The following GPC6 variants were observed in gnomAD, a reference collection of about 807,000 sequenced individuals.
GPC6 encodes the protein glypican 6.
In GPC6, 14 loss-of-function variants were observed where a neutral mutation model predicts 55.2. That is an observed-to-expected ratio of 0.25 (90% CI 0.17 to 0.40). GPC6 has a LOEUF of 0.40. Ranked by LOEUF, GPC6 falls within the 10% of genes least tolerant of loss-of-function variation. The pLI is 1.00. For missense variants in GPC6, 641 were observed against 708.5 expected (o/e 0.90, Z 1.08); for synonymous variants, 278 against 259.6 (o/e 1.07, Z -0.68).
chr13:93,283,373 A>G (rs558350775), intron 1 of GPC6, among the ~76,000 whole-genome samples: 1 of 152,318 alleles, frequency 6.6e-6, no homozygotes, highest in South Asian at 2.1e-4. Context: ...GGATGGCCTC[A>G]ATTTTCTCAA....
chr13:93,964,058 T>C (rs1167457123), intron 3 of GPC6, among the ~76,000 whole-genome samples: 1 of 152,100 alleles, frequency 6.6e-6, no homozygotes, highest in Non-Finnish European at 1.5e-5. Flanking sequence ...CTCCCCCCAC[T>C]CATGTATTAC....
chr13:94,046,929 G>A (rs532862699), intron 4 of GPC6, among the ~76,000 whole-genome samples: 88 of 152,152 alleles, frequency 5.8e-4, no homozygotes, highest in Middle Eastern at 3.4e-3. Flanking sequence ...ACTATAGTTC[G>A]CCACTACTGC....
intron 4 of GPC6, among the ~76,000 whole-genome samples, chr13:94,192,971 A>G (rs552409969): frequency 1.3e-5 from 2 of 152,120 alleles, no homozygotes; most frequent in Non-Finnish European, 2.9e-5. Flanking sequence ...GAAACCAAAA[A>G]TGAAGCCTTA....
chr13:94,379,146 G>A (rs1880041415), intron 6 of GPC6, among the ~76,000 whole-genome samples: 1 of 152,158 alleles, frequency 6.6e-6, no homozygotes, highest in South Asian at 2.1e-4. Flanking sequence ...TAAATAAAAT[G>A]AGAAAAACAT....
At chr13:93,608,982 G>A (rs980158662) in intron 2 of GPC6, among the ~76,000 whole-genome samples, 4 of 152,160 alleles carry the variant, frequency 2.6e-5, no homozygotes, top group African/African-American at 4.8e-5. Flanking sequence ...CTATGTTTGA[G>A]TATCTATTGG....
chr13:93,676,822 A>C (rs1161964332), intron 2 of GPC6, among the ~76,000 whole-genome samples: 1 of 152,056 alleles, frequency 6.6e-6, no homozygotes, highest in African/African-American at 2.4e-5. Context: ...AGATAACAAA[A>C]TGAATAAAAG....
At chr13:93,352,184 T>A (rs971873443) in intron 1 of GPC6, among the ~76,000 whole-genome samples, 3 of 152,124 alleles carry the variant, frequency 2.0e-5, no homozygotes, top group Non-Finnish European at 4.4e-5. Context: ...CACGGTAAAT[T>A]TACGGAACAC....
chr13:94,275,073 CAGAA>C (rs1461184352), intron 4 of GPC6, among the ~76,000 whole-genome samples: 3 of 152,068 alleles, frequency 2.0e-5, no homozygotes, highest in Non-Finnish European at 4.4e-5. Context: ...GAAGAAAATA[CAGAA>C]AGATTTTTAA....
At chr13:93,486,059 C>T (rs1333412876) in intron 1 of GPC6, among the ~76,000 whole-genome samples, 2 of 152,022 alleles carry the variant, frequency 1.3e-5, no homozygotes, top group Admixed American at 1.3e-4. Flanking sequence ...ATAAGCCAAG[C>T]AAGAAAATTG....
chr13:93,334,016 CTGTCA>C (rs879421483), intron 1 of GPC6, among the ~76,000 whole-genome samples: 2 of 152,076 alleles, frequency 1.3e-5, no homozygotes, highest in Non-Finnish European at 2.9e-5. Context: ...AAATTCTTCC[CTGTCA>C]TAAGTTCACA....
chr13:93,273,134 G>A (rs535773621), intron 1 of GPC6, among the ~76,000 whole-genome samples: 26 of 152,208 alleles, frequency 1.7e-4, no homozygotes, highest in African/African-American at 6.3e-4. Context: ...TGTCTCCTGA[G>A]GACTAGGAAA....
At chr13:93,345,248 A>G (rs564119834) in intron 1 of GPC6, among the ~76,000 whole-genome samples, 3 of 152,182 alleles carry the variant, frequency 2.0e-5, no homozygotes, top group East Asian at 1.9e-4. Flanking sequence ...GGGGCTTATG[A>G]TGATCACCAC....
chr13:93,765,308 T>TTCCAGATAAGCTGTCTGGCAAAACA, intron 2 of GPC6, among the ~76,000 whole-genome samples: 1 of 148,686 alleles, frequency 6.7e-6, no homozygotes. Context: ...AAAGACAACT[T>TTCCAGATAAGCTGTCTGGCAAAACA]ATTTGGTTTA....
At chr13:93,762,889 T>C (rs896052632) in intron 2 of GPC6, among the ~76,000 whole-genome samples, 1 of 152,156 alleles carries the variant, frequency 6.6e-6, no homozygotes, top group South Asian at 2.1e-4. Context: ...GTAATTATAG[T>C]AGATTGCCCC....
At chr13:93,518,298 G>T (rs1881281064) in intron 1 of GPC6, among the ~76,000 whole-genome samples, 1 of 151,558 alleles carries the variant, frequency 6.6e-6, no homozygotes, top group South Asian at 2.1e-4. Flanking sequence ...TCTTTATGTG[G>T]ATACATTCAA....
intron 3 of GPC6, among the ~76,000 whole-genome samples, chr13:93,985,243 G>T (rs1015203638): frequency 6.6e-6 from 1 of 151,958 alleles, no homozygotes; most frequent in Non-Finnish European, 1.5e-5. Context: ...GACCATCCTG[G>T]CCAACCAACA....
At chr13:94,054,247 T>C (rs1256977106) in intron 4 of GPC6, among the ~76,000 whole-genome samples, 3 of 152,208 alleles carry the variant, frequency 2.0e-5, no homozygotes, top group Non-Finnish European at 4.4e-5. Flanking sequence ...GGTTAGTGCA[T>C]CAGCCCAGGT....
intron 8 of GPC6, among the ~76,000 whole-genome samples, chr13:94,399,083 T>G (rs765448122): frequency 2.0e-4 from 31 of 152,192 alleles, no homozygotes; most frequent in Non-Finnish European, 3.1e-4. Flanking sequence ...AATTAGAGTC[T>G]CTACAAATTA....
At chr13:93,392,556 T>C (rs1875671760) in intron 1 of GPC6, among the ~76,000 whole-genome samples, 1 of 152,104 alleles carries the variant, frequency 6.6e-6, no homozygotes, top group Non-Finnish European at 1.5e-5. Context: ...CAAAAGGAAG[T>C]CCCAAAGGAC....
Sources: allele counts gnomAD v4.1 joint callset (sites outside exome capture counted in the v4.1 genomes callset), GRCh38; gene constraint gnomAD v4.1.1; transcripts MANE v1.5; gene names NCBI Gene and HGNC (gene_info 2026-07-23, HGNC 2026-07-21).